Variants in PSMB8 observed in about 807,000 individuals in gnomAD.
PSMB8 encodes the protein proteasome subunit beta type-8.
A neutral mutation model predicts 32.3 loss-of-function variants in PSMB8; 20 were observed. The observed-to-expected ratio is 0.62, with a 90% CI of 0.44 to 0.90. The LOEUF (loss-of-function observed/expected upper bound fraction) is 0.90, where lower values mean the gene tolerates loss of function less well. PSMB8 is among the 40% of genes least tolerant of loss of function. PSMB8 has a pLI of 0.00. For missense variants in PSMB8, 342 were observed against 365.4 expected, an observed-to-expected ratio of 0.94 and a Z score of 0.52; for synonymous variants, 131 against 135.4, an observed-to-expected ratio of 0.97 and a Z score of 0.23.
Position 32,843,025 on chromosome 6 carries a change from T to C in PSMB8, c.212A>G (p.His71Arg). Reference sequence around the variant, plus strand: ...CTTGAAGGCGAGCGTGGTGGTGCCATGGGCCATCTCAATCTGAACGTTCCT... The same window carrying C: ...CTTGAAGGCGAGCGTGGTGGTGCCACGGGCCATCTCAATCTGAACGTTCCT... ...GERNVQIEMA[H>R]GTTTLAFKFQ... The change falls in exon 2 of 6, where the codon CAT (histidine) becomes CGT (arginine). Residue 71 changes from histidine to arginine, a missense_variant. Coordinates refer to ENST00000374882, the MANE Select transcript of PSMB8 (RefSeq NM_148919.4). 2 of 1,613,120 alleles carry C rather than the reference T, an allele frequency of 1.2e-6. No individual in the cohort carries two copies. The highest frequency in any genetic ancestry group is 1.7e-6 in the Non-Finnish European group (2 of 1,180,044).
chr6:32,844,472 C>G, upstream of PSMB8: 1 of 1,598,846 alleles, frequency 6.3e-7, no homozygotes, highest in Non-Finnish European at 8.5e-7. Flanking sequence ...GAAACAGGTC[C>G]TGGGCCAACT....
chr6:32,843,185 G>A, intron 1 of PSMB8, 96 bp from the exon 2 acceptor site: 1 of 1,345,906 alleles, frequency 7.4e-7, no homozygotes. Context: ...GAGGAGATAT[G>A]CAGAAATGAT....
intron 2 of PSMB8, 29 bp downstream of exon 2, chr6:32,842,913 A>G (rs775376283): frequency 6.2e-7 from 1 of 1,613,936 alleles, no homozygotes; most frequent in Admixed American, 1.7e-5. Flanking sequence ...AGCTCCCCAG[A>G]TTCTGCCTGC....
chr6:32,841,481 C>A, intron 5 of PSMB8, 50 bp downstream of exon 5: 1 of 1,577,476 alleles, frequency 6.3e-7, no homozygotes, highest in African/African-American at 1.3e-5. Flanking sequence ...ACCCCCCCCA[C>A]CACCCGCCGA....
upstream of PSMB8, chr6:32,844,163 C>G (rs1770150305): frequency 6.6e-7 from 1 of 1,522,586 alleles, no homozygotes. Flanking sequence ...ACCGGCTTCT[C>G]TGCTCTCCCG....
chr6:32,841,701 G>C lies in PSMB8; in HGVS notation c.572C>G (p.Thr191Ser). The C allele has an allele frequency of 6.2e-7, 1 of 1,612,848 alleles. No individual in the cohort carries two copies. The highest frequency in any genetic ancestry group is 1.1e-5 in the South Asian group (1 of 91,090). ...PGLYYVDEHG[T>S]RLSGNMFSTG... ...GGAGAACATATTTCCTGAGAGCCGA[G>C]TCCCATGTTCATCCACGTAGTAGAG... Residue 191 changes from threonine to serine, a missense_variant, in exon 5 of 6, where the codon ACT becomes AGT. Thr to Ser is a moderately conservative substitution (Grantham distance 58). Transcript: ENST00000374882.
At position 32,840,919 on chromosome 6, in the gene PSMB8, G is replaced by A. The variant is rs3200158; in HGVS notation, c.*40C>T. Reference sequence around the variant, plus strand: ...TGGCTTAGGTCCCTGAGTCGGCCAAGACCTCCCAGAGGAGACCTGCCCAGC... The same window carrying A: ...TGGCTTAGGTCCCTGAGTCGGCCAAAACCTCCCAGAGGAGACCTGCCCAGC... On this transcript the variant is annotated 3_prime_UTR_variant, in exon 6 of 6. Coordinates refer to ENST00000374882, the MANE Select transcript of PSMB8 (RefSeq NM_148919.4). 1,484 of 1,552,712 alleles carry A rather than the reference G, an allele frequency of 9.6e-4. 12 individuals carry two copies. The African/African-American group carries it at 0.018, about 19-fold the overall frequency.
chr6:32,844,005 A>G lies in PSMB8; in HGVS notation c.-9T>C, dbSNP rs1228482007. 1 of 1,610,386 alleles carries G rather than the reference A, an allele frequency of 6.2e-7. No individual in the cohort carries two copies. The highest frequency in any genetic ancestry group is 8.5e-7 in the Non-Finnish European group (1 of 1,178,614). The stretch of plus-strand genomic sequence containing the variant: ...ACATCTAGTAGCGCCATGACCGCCC[A>G]GCACCCAGAGATCTGTCCGCTCTCG... On this transcript the variant is annotated 5_prime_UTR_variant, in exon 1 of 6. Transcript: ENST00000374882.
chr6:32,842,627 G>T lies in PSMB8; in HGVS notation c.407+45C>A, dbSNP rs542904797. 135 of 1,459,136 alleles carry T rather than the reference G, an allele frequency of 9.3e-5. 1 individual carries two copies. The South Asian group carries it at 1.4e-3, about 15-fold the overall frequency. 90.4% of individuals were successfully genotyped at this position (1,459,136 alleles called of 1,614,324 possible). On this transcript the variant is annotated intron_variant, in intron 3 of 5. Coordinates refer to ENST00000374882, the MANE Select transcript of PSMB8 (RefSeq NM_148919.4). ...GGAGCAATGATCTGAGAGATCCAGG[G>T]ATTAACCACTAGGCTAAGAAAGGAA...
At chr6:32,843,420 C>T (rs538674145) in intron 1 of PSMB8, among the ~76,000 whole-genome samples, 3 of 152,294 alleles carry the variant, frequency 2.0e-5, no homozygotes, top group South Asian at 2.1e-4. Flanking sequence ...GTAACAGTAT[C>T]CTCACTTTAC....
rs2127377117 is a variant in PSMB8 at position 32,842,190 on chromosome 6, G to A, written c.481C>T (p.Gln161Ter). 6.2e-7 allele frequency: 1 copy of A among 1,613,144 alleles called. No individual in the cohort carries two copies. The highest frequency in any genetic ancestry group is 8.5e-7 in the Non-Finnish European group (1 of 1,180,044). Residue 161 changes from glutamine (Q) to a stop codon, truncating the protein, a stop_gained, in exon 4 of 6, where the codon CAG becomes TAG. Transcript: ENST00000374882. LOFTEE classifies it high-confidence loss of function. ...ATAGAGAGGCCCATGCCCCGGTACT[G>A]GCACATCATGTTGGACAGCAGCTTG... Reference protein sequence around the residue: ...ASKLLSNMMCQYRGMGLSMGS... With the variant: ...ASKLLSNMMC
chr6:32,841,154 C>A, intron 5 of PSMB8, 107 bp from the exon 6 acceptor site: 1 of 980,916 alleles, frequency 1.0e-6, no homozygotes, highest in Non-Finnish European at 1.6e-6. Context: ...AAGCTTAAAA[C>A]CATATGACTG....
chr6:32,843,360 A>G (rs1217038914), intron 1 of PSMB8, among the ~76,000 whole-genome samples: 2 of 152,172 alleles, frequency 1.3e-5, no homozygotes. Flanking sequence ...AGAGTGACTT[A>G]AAGGGTTTCT....
rs1265855434 is a variant in PSMB8 at position 32,843,993 on chromosome 6, C to T, written c.4G>A (p.Ala2Thr). 5.0e-6 allele frequency: 8 copies of T among 1,611,248 alleles called. No homozygotes were observed. Among genetic ancestry groups the T allele is most frequent in the Non-Finnish European group, 6.8e-6 (8 of 1,179,190 alleles). Residue 2 changes from alanine to threonine, a missense_variant, in exon 1 of 6, where the codon GCG (alanine) becomes ACG (threonine). Ala to Thr is a moderately conservative substitution (Grantham distance 58). Transcript: ENST00000374882. ...GGGGCTCCGCATACATCTAGTAGCGCCATGACCGCCCAGCACCCAGAGATC... is the reference window on the plus strand; with the variant it reads ...GGGGCTCCGCATACATCTAGTAGCGTCATGACCGCCCAGCACCCAGAGATC... M[A>T]LLDVCGAPRG... is the part of the protein sequence containing the mutation.
At position 32,842,127 on chromosome 6, in the gene PSMB8, C is replaced by A. The variant is rs1769941616; in HGVS notation, c.537+7G>T. ...GTGGGGGAACATGAAGAATGGAGAG[C>A]ACCCACCTTCTTATCCCAGCCACAG... On this transcript the variant is annotated splice_region_variant and intron_variant, in intron 4 of 5. Coordinates refer to ENST00000374882, the MANE Select transcript of PSMB8 (RefSeq NM_148919.4). 2 of 1,613,122 alleles carry A rather than the reference C, an allele frequency of 1.2e-6. No individual in the cohort carries two copies. Among genetic ancestry groups the A allele is most frequent in the Non-Finnish European group, 1.7e-6 (2 of 1,180,044 alleles).
rs143156054 is a variant in PSMB8, at chr6:32,843,745, G to C, written c.147+105C>G. The stretch of plus-strand genomic sequence containing the variant: ...CTCTCCGGGACTGAAGGCTACCCCC[G>C]ACCCTGTACCCCGCGCTCCCGCTCT... On this transcript the variant is annotated intron_variant, in intron 1 of 5. Transcript: ENST00000374882. 0.02 allele frequency: 28,604 copies of C among 1,427,184 alleles called. 363 individuals carry two copies. Among genetic ancestry groups the C allele is most frequent in the African/African-American group, 0.025 (1,810 of 71,302 alleles). 88.4% of individuals were successfully genotyped at this position (1,427,184 alleles called of 1,614,324 possible). A position where few individuals can be genotyped will look rare whatever the true frequency, so the allele number is the denominator to read the frequency against.
chr6:32,843,863 G>C lies in PSMB8; in HGVS notation c.134C>G (p.Pro45Arg), dbSNP rs777828717. The C allele has an allele frequency of 6.2e-7, 1 of 1,612,794 alleles. No homozygotes were observed. The highest frequency in any genetic ancestry group is 8.5e-7 in the Non-Finnish European group (1 of 1,179,996). ...FSMRSPELAL[P>R]RGMQPTEFFQ... Reference sequence around the variant, plus strand: ...TACTGCCCCGACCTGCATTCCCCGGGGTAAAGCGAGCTCTGGAGATCGCAT... The same window carrying C: ...TACTGCCCCGACCTGCATTCCCCGGCGTAAAGCGAGCTCTGGAGATCGCAT... Residue 45 changes from proline (P) to arginine (R), a missense_variant, in exon 1 of 6, where the codon CCC (proline) becomes CGC (arginine). By Grantham distance (103) the Pro-to-Arg change is moderately radical. Transcript: ENST00000374882.
intron 1 of PSMB8, among the ~76,000 whole-genome samples, 154 bp downstream of exon 1, chr6:32,843,696 G>A (rs1455611564): frequency 2.0e-5 from 3 of 152,104 alleles, no homozygotes; most frequent in African/African-American, 7.2e-5. Flanking sequence ...CCATCCCCAT[G>A]TGGCCTCTTC....
At chr6:32,844,418 T>G, upstream of PSMB8, 1 of 1,613,510 alleles carries the variant, frequency 6.2e-7, no homozygotes, top group Non-Finnish European at 8.5e-7. Flanking sequence ...GAGCATCACT[T>G]TACAAAACCA....
Sources: allele counts gnomAD v4.1 joint callset (sites outside exome capture counted in the v4.1 genomes callset), GRCh38; gene constraint gnomAD v4.1.1; transcripts MANE v1.5; gene names NCBI Gene and HGNC (gene_info 2026-07-23, HGNC 2026-07-21).